The following PACS2 variants were observed in gnomAD, a reference collection of about 807,000 sequenced individuals.
The protein encoded by PACS2 is PACS1-like protein.
Under a neutral mutation model 113.0 loss-of-function variants are expected in PACS2, and 36 were observed. The observed-to-expected ratio is 0.32, with a 90% CI of 0.24 to 0.42. The LOEUF is 0.42. PACS2 is among the 10% of genes least tolerant of loss of function. The probability of loss-of-function intolerance (pLI) is 1.00; values close to 1 mark genes in which losing one functional copy is unlikely to be tolerated. For missense variants in PACS2, 1,015 were observed against 1,239.5 expected (o/e 0.82, Z 2.72); for synonymous variants, 589 against 536.1 (o/e 1.10, Z -1.36).
At chr14:105,334,586 T>C (rs1849525866) in intron 1 of PACS2, among the ~76,000 whole-genome samples, 1 of 151,912 alleles carries the variant, frequency 6.6e-6, no homozygotes, top group African/African-American at 2.4e-5. Context: ...AGTATGTGCG[T>C]AGAGCTCCAC....
chr14:105,375,335 G>A (rs1555410151), intron 8 of PACS2, among the ~76,000 whole-genome samples: 2 of 151,954 alleles, frequency 1.3e-5, no homozygotes, highest in South Asian at 2.1e-4. Flanking sequence ...AAAAGTAGCC[G>A]GGCGTGGTGA....
rs61738367 is a variant in PACS2 at position 105,355,120 on chromosome 14, G to A, written c.366G>A (p.Lys122=). ...QIMLQRRKRY[K]NRTILGYKTL... ...TGCTGCAGCGCAGAAAGCGCTACAAGAACAGAACCATCCTGGGCTACAAGA... is the reference window on the plus strand; with the variant it reads ...TGCTGCAGCGCAGAAAGCGCTACAAAAACAGAACCATCCTGGGCTACAAGA... The change falls in exon 4 of 25, where the codon AAG becomes AAA. Residue 122 remains lysine (K), a synonymous_variant. Coordinates refer to ENST00000447393, the MANE Select transcript of PACS2 (RefSeq NM_001100913.3). The surrounding 1 kb of genome is among the most constrained non-coding windows in gnomAD (Gnocchi z 4.1). 3,920 of 1,613,686 alleles carry A rather than the reference G, an allele frequency of 2.4e-3. 84 individuals carry two copies. In the African/African-American group the frequency reaches 0.046, roughly 19 times the overall value.
At chr14:105,345,534 C>T (rs1047105544) in intron 1 of PACS2, among the ~76,000 whole-genome samples, 2 of 152,208 alleles carry the variant, frequency 1.3e-5, no homozygotes, top group East Asian at 1.9e-4. Context: ...TGACGTGCTG[C>T]GTTTTCATTT....
At position 105,394,670 on chromosome 14, in the gene PACS2, T is replaced by C. The variant is rs1555416057; in HGVS notation, c.2713T>C (p.Ter905GlnextTer40). 1 of 1,604,404 alleles carries C rather than the reference T, an allele frequency of 6.2e-7. No homozygotes were observed. The highest frequency in any genetic ancestry group is 8.5e-7 in the Non-Finnish European group (1 of 1,171,828). Residue 905 changes from the stop codon to glutamine (Q), a stop_lost, in exon 25 of 25, where the codon TAG (stop) becomes CAG (glutamine). Coordinates refer to ENST00000447393, the MANE Select transcript of PACS2 (RefSeq NM_001100913.3). ...CIFGHSKATF[*>Q] is the part of the protein sequence containing the mutation. ...CTTCGGACACTCCAAGGCCACCTTC[T>C]AGCCCCACCCACCAGGGGGCCCACC...
intron 8 of PACS2, among the ~76,000 whole-genome samples, chr14:105,374,232 T>G (rs1220904152): frequency 6.7e-6 from 1 of 150,310 alleles, no homozygotes; most frequent in Non-Finnish European, 1.5e-5. Context: ...TAGAAGAAAA[T>G]GGGCCAATCT....
At position 105,300,981 on chromosome 14, in the gene PACS2, T is replaced by A. The variant is rs1231746400; in HGVS notation, c.-83+2T>A. 2 of 152,564 alleles carry A rather than the reference T, an allele frequency of 1.3e-5. No homozygotes were observed. The highest frequency in any genetic ancestry group is 2.4e-5 in the African/African-American group (1 of 41,008). The allele number at this position is 152,564 out of a possible 1,614,324, so 9.5% of individuals were successfully genotyped here. ...GCGGAACCCGAGCGGGGCCTACCGG[T>A]GAGCGCAGCCGAGGACTGGCGCTTG... On this transcript the variant is annotated splice_donor_variant, in intron 1 of 23. Transcript: ENST00000430725. LOFTEE classifies it low-confidence loss of function (5UTR_SPLICE).
rs782690207 is a variant in PACS2, at chr14:105,348,463, C to T, written c.120-30C>T. ...CCGCGTCCTGAGGAGAGGGCGGAGC[C>T]CCGAGGCTGAGCTGTGCCTTGCCTC... On this transcript the variant is annotated intron_variant, in intron 1 of 24. Coordinates refer to ENST00000447393, the MANE Select transcript of PACS2 (RefSeq NM_001100913.3). This position sits in a 1 kb window ranked among gnomAD's most constrained non-coding sequence, Gnocchi z 6.4. The T allele has an allele frequency of 1.9e-6, 3 of 1,556,120 alleles. 1 individual carries two copies. In the South Asian group the frequency reaches 3.3e-5, roughly 17 times the overall value.
At chr14:105,353,917 A>C (rs1048060722) in intron 3 of PACS2, among the ~76,000 whole-genome samples, 5 of 152,014 alleles carry the variant, frequency 3.3e-5, no homozygotes, top group African/African-American at 1.2e-4. Context: ...TATCTATGAT[A>C]AAGAGAATAT....
rs113078596 is a variant in PACS2 at position 105,324,155 on chromosome 14, T to C, written c.119+9118T>C. 1.6e-4 allele frequency among the ~76,000 whole-genome samples: 25 copies of C among 152,316 alleles called. 1 individual carries two copies. Among genetic ancestry groups the C allele is most frequent in the African/African-American group, 6.0e-4 (25 of 41,564 alleles). ...CTTTCCCTCTCTCTGCCCAGCATTC[T>C]CAGCATGCGTCTCAGGAAGGTTTGA... On this transcript the variant is annotated intron_variant, in intron 1 of 24. Transcript: ENST00000447393. This position sits in a 1 kb window ranked among gnomAD's most constrained non-coding sequence, Gnocchi z 4.7.
intron 8 of PACS2, 123 bp downstream of exon 8, chr14:105,370,023 C>T (rs1442482549): frequency 3.0e-5 from 25 of 830,644 alleles, no homozygotes; most frequent in African/African-American, 2.7e-4. Context: ...TGCACGGCCC[C>T]GCCAGCATCG....
chr14:105,325,323 A>T (rs1463422523), intron 1 of PACS2, among the ~76,000 whole-genome samples: 3 of 152,070 alleles, frequency 2.0e-5, no homozygotes, highest in Non-Finnish European at 4.4e-5. Flanking sequence ...TCCTGAGACA[A>T]GGTGGGGTGA....
intron 24 of PACS2, 176 bp from the exon 25 acceptor site, chr14:105,394,378 C>G (rs2081474875): frequency 3.0e-6 from 3 of 985,146 alleles, no homozygotes. Flanking sequence ...CCCTCAGGAG[C>G]CAGCATGGCC....
intron 24 of PACS2, 67 bp from the exon 25 acceptor site, chr14:105,394,487 G>GC: frequency 6.3e-7 from 1 of 1,593,912 alleles, no homozygotes; most frequent in South Asian, 1.1e-5. Context: ...GGTGGGCCAG[G>GC]CAGGCAGGTG....
At chr14:105,327,096 C>T (rs1456363820) in intron 1 of PACS2, among the ~76,000 whole-genome samples, 2 of 152,248 alleles carry the variant, frequency 1.3e-5, no homozygotes, top group Non-Finnish European at 2.9e-5. Flanking sequence ...CTATCAGGTC[C>T]AGCGTCGCTG....
At chr14:105,362,451 G>T (rs2060760433) in intron 4 of PACS2, among the ~76,000 whole-genome samples, 1 of 151,438 alleles carries the variant, frequency 6.6e-6, no homozygotes, top group African/African-American at 2.4e-5. Context: ...AAAAAGAATG[G>T]TGAGTCATTT....
At chr14:105,333,175 G>A (rs1409192033) in intron 1 of PACS2, among the ~76,000 whole-genome samples, 1 of 152,150 alleles carries the variant, frequency 6.6e-6, no homozygotes, top group African/African-American at 2.4e-5. Flanking sequence ...ACACACCCTG[G>A]CCCTGTTCCC....
chr14:105,370,319 C>T lies in PACS2; in HGVS notation c.801+419C>T, dbSNP rs373784679. On this transcript the variant is annotated intron_variant, in intron 8 of 24. Coordinates refer to ENST00000447393, the MANE Select transcript of PACS2 (RefSeq NM_001100913.3). ...TGGGCCCCCCCTCCCCACCTGACAG[C>T]CCCCCACTACTGACATTCCATGGAT... 7.3e-4 allele frequency: 98 copies of T among 135,150 alleles called. 3 individuals carry two copies. In the East Asian group the frequency reaches 0.014, roughly 19 times the overall value. The allele number at this position is 135,150 out of a possible 1,614,324, so 8.4% of individuals were successfully genotyped here.
intron 8 of PACS2, 154 bp downstream of exon 8, chr14:105,370,054 G>A: frequency 3.0e-6 from 2 of 661,044 alleles, no homozygotes; most frequent in African/African-American, 1.8e-5. Flanking sequence ...GAGGCGCAGT[G>A]ACAGTGGCAC....
chr14:105,384,254 C>T, intron 16 of PACS2, 99 bp from the exon 17 acceptor site: 4 of 675,606 alleles, frequency 5.9e-6, no homozygotes, highest in Non-Finnish European at 1.0e-5. Flanking sequence ...AAGGCAGCAG[C>T]ACAGGCCTGG....
Sources: allele counts gnomAD v4.1 joint callset (sites outside exome capture counted in the v4.1 genomes callset), GRCh38; gene constraint gnomAD v4.1.1; non-coding constraint Gnocchi (gnomAD v3.1); transcripts MANE v1.5; gene names NCBI Gene and HGNC (gene_info 2026-07-23, HGNC 2026-07-21).